The following PLXNA4 variants were observed in gnomAD, a reference collection of about 807,000 sequenced individuals.
The protein encoded by PLXNA4 is plexin-A4.
Under a neutral mutation model 191.8 loss-of-function variants are expected in PLXNA4, and 44 were observed. That is an observed-to-expected ratio of 0.23 (90% confidence interval 0.18 to 0.29). The LOEUF (loss-of-function observed/expected upper bound fraction) is 0.29. PLXNA4 is among the 10% of genes least tolerant of loss of function. The probability of loss-of-function intolerance (pLI) is 1.00; values close to 1 mark genes in which losing one functional copy is unlikely to be tolerated. For missense variants in PLXNA4, 1,800 were observed against 2,488.8 expected (o/e 0.72, Z 5.89); for synonymous variants, 1,082 against 1,009.5 (o/e 1.07, Z -1.36).
chr7:132,541,000 G>A (rs924006827), intron 1 of PLXNA4, among the ~76,000 whole-genome samples: 3 of 152,198 alleles, frequency 2.0e-5, no homozygotes, highest in African/African-American at 7.2e-5. Context: ...AATCCTGGCT[G>A]TCAAAAATGC....
Position 132,259,070 on chromosome 7 carries a change from C to T in PLXNA4, c.1504-17904G>A, listed in dbSNP as rs151147562. Among the ~76,000 whole-genome samples, 756 of 152,248 alleles carry T rather than the reference C, an allele frequency of 5.0e-3. 6 individuals carry two copies. Among genetic ancestry groups the T allele is most frequent in the Non-Finnish European group, 7.7e-3 (522 of 68,014 alleles). Reference sequence around the variant, plus strand: ...AACAAATAGCTAGGAGCATTCTTTACATCTCTTGGTGACTTAGCTTCTAAA... The same window carrying T: ...AACAAATAGCTAGGAGCATTCTTTATATCTCTTGGTGACTTAGCTTCTAAA... On this transcript the variant is annotated intron_variant, in intron 4 of 31. Transcript: ENST00000321063.
At chr7:132,444,464 AGG>A (rs1192523866) in intron 3 of PLXNA4, among the ~76,000 whole-genome samples, 2 of 152,214 alleles carry the variant, frequency 1.3e-5, no homozygotes, top group African/African-American at 4.8e-5. Context: ...CACAATGGCC[AGG>A]CTGATCTCGA....
At chr7:132,535,772 T>C (rs1431237893) in intron 1 of PLXNA4, among the ~76,000 whole-genome samples, 1 of 64,042 alleles carries the variant, frequency 1.6e-5, no homozygotes, top group Non-Finnish European at 3.3e-5. Flanking sequence ...GATTGAAAAA[T>C]CAAGGCATCT....
chr7:132,223,581 G>A lies in PLXNA4; in HGVS notation c.2043C>T (p.Cys681=), dbSNP rs1562976110. 1 of 1,613,902 alleles carries A rather than the reference G, an allele frequency of 6.2e-7. No individual in the cohort carries two copies. Among genetic ancestry groups the A allele is most frequent in the Non-Finnish European group, 8.5e-7 (1 of 1,179,926 alleles). The change falls in exon 9 of 32, where the codon TGC becomes TGT. Residue 681 remains cysteine, a synonymous_variant. Transcript: ENST00000321063. ...RCHWCKYRHV[C]THDPKTCSFQ... ...AGGAGCAGGTCTTGGGGTCATGGGT[G>A]CAGACATGCCGGTATTTACACCAGT...
chr7:132,636,410 T>G (rs10229073), intron 2 of PLXNA4, among the ~76,000 whole-genome samples: 22,928 of 152,164 alleles, frequency 0.15, 1,991 homozygotes, highest in African/African-American at 0.21. Context: ...TGATGTTTCA[T>G]GGGTGGGGCT....
intron 3 of PLXNA4, among the ~76,000 whole-genome samples, chr7:132,440,537 G>A (rs1795659720): frequency 1.3e-5 from 2 of 152,144 alleles, no homozygotes; most frequent in African/African-American, 4.8e-5. Context: ...TACTCTCAAG[G>A]AACACAGGTT....
chr7:132,563,136 CT>C (rs1801396496), intron 1 of PLXNA4, among the ~76,000 whole-genome samples: 1 of 103,628 alleles, frequency 9.6e-6, no homozygotes, highest in Admixed American at 8.8e-5. Context: ...CCTCCTCCTC[CT>C]TCTCCTCTTC....
At chr7:132,456,609 G>A (rs1796324490) in intron 3 of PLXNA4, among the ~76,000 whole-genome samples, 1 of 151,510 alleles carries the variant, frequency 6.6e-6, no homozygotes, top group Non-Finnish European at 1.5e-5. Flanking sequence ...TGTGTGACGA[G>A]AAGATAACGA....
At chr7:132,470,466 G>C (rs1796892406) in intron 3 of PLXNA4, among the ~76,000 whole-genome samples, 1 of 152,178 alleles carries the variant, frequency 6.6e-6, no homozygotes, top group Admixed American at 6.5e-5. Flanking sequence ...CAGTTTTGCA[G>C]ATGTTTTAGA....
chr7:132,218,835 A>AACATATGT (rs1241627236), intron 9 of PLXNA4, among the ~76,000 whole-genome samples: 2 of 152,228 alleles, frequency 1.3e-5, no homozygotes, highest in Non-Finnish European at 2.9e-5. Flanking sequence ...TACTATAAAC[A>AACATATGT]ACATATGTTA....
intron 3 of PLXNA4, among the ~76,000 whole-genome samples, chr7:132,361,274 C>T (rs1803930436): frequency 6.6e-6 from 1 of 152,118 alleles, no homozygotes. Context: ...TTCAAAGGCC[C>T]CTGCAGGCCC....
chr7:132,434,169 G>T (rs1271167701), intron 3 of PLXNA4, among the ~76,000 whole-genome samples: 1 of 152,122 alleles, frequency 6.6e-6, no homozygotes, highest in South Asian at 2.1e-4. Context: ...CTTTGCTTTT[G>T]TCTCTCCTTC....
intron 9 of PLXNA4, among the ~76,000 whole-genome samples, chr7:132,213,789 C>T (rs1425506073): frequency 6.6e-6 from 1 of 152,130 alleles, no homozygotes; most frequent in Non-Finnish European, 1.5e-5. Flanking sequence ...CAGCAAGGAG[C>T]CTGACTGTCT....
At chr7:132,460,955 A>G (rs1209228096) in intron 3 of PLXNA4, among the ~76,000 whole-genome samples, 1 of 152,210 alleles carries the variant, frequency 6.6e-6, no homozygotes, top group African/African-American at 2.4e-5. Flanking sequence ...AAAAAGTAAA[A>G]AATAAAAAAG....
At chr7:132,249,107 G>T (rs1309609855) in intron 4 of PLXNA4, among the ~76,000 whole-genome samples, 1 of 152,246 alleles carries the variant, frequency 6.6e-6, no homozygotes, top group Non-Finnish European at 1.5e-5. Flanking sequence ...AGGGCATGAG[G>T]CTTGGGGAGC....
intron 2 of PLXNA4, among the ~76,000 whole-genome samples, chr7:132,599,147 T>C (rs1253868835): frequency 6.6e-6 from 1 of 152,224 alleles, no homozygotes; most frequent in African/African-American, 2.4e-5. Context: ...CTACCACGTG[T>C]TTCTAATATG....
chr7:132,194,063 A>G lies in PLXNA4; in HGVS notation c.2855T>C (p.Met952Thr), dbSNP rs1382993783. 1 of 1,613,248 alleles carries G rather than the reference A, an allele frequency of 6.2e-7. No individual in the cohort carries two copies. The highest frequency in any genetic ancestry group is 8.5e-7 in the Non-Finnish European group (1 of 1,179,460). The change falls in exon 14 of 32, where the codon ATG (methionine) becomes ACG (threonine). Residue 952 changes from methionine (M) to threonine (T), a missense_variant and splice_region_variant. Coordinates refer to ENST00000321063, the MANE Select transcript of PLXNA4 (RefSeq NM_020911.2). ...AGATCACTGCTGGCCAAGACTCACC[A>G]TGAAGTAATAGAGCTGTGAGGACCG... ...MARSSQLYYFMTLTLSDLKPS... is the reference protein window; with the variant it reads ...MARSSQLYYFTTLTLSDLKPS...
intron 4 of PLXNA4, among the ~76,000 whole-genome samples, chr7:132,260,732 G>A (rs1267802755): frequency 1.3e-5 from 2 of 152,036 alleles, no homozygotes; most frequent in African/African-American, 4.8e-5. Context: ...TGGGAGTGGA[G>A]AGGGATGAAT....
intron 1 of PLXNA4, among the ~76,000 whole-genome samples, chr7:132,561,462 G>GTCCTCCTCCTCCTTCTTC (rs1446708192): frequency 2.8e-5 from 2 of 71,866 alleles, no homozygotes; most frequent in Non-Finnish European, 5.1e-5. Context: ...CCTCCTTCTT[G>GTCCTCCTCCTCCTTCTTC]TCCTCCTCCT....
Sources: gnomAD v4.1 joint callset for allele counts (sites outside exome capture counted in the v4.1 genomes callset) on GRCh38, gnomAD v4.1.1 for gene constraint, MANE v1.5 for transcripts, NCBI Gene and HGNC (gene_info 2026-07-23, HGNC 2026-07-21) for gene names.